Variants in PTPRD observed in about 807,000 individuals in gnomAD.
PTPRD encodes protein tyrosine phosphatase receptor type D, also known as receptor-type tyrosine-protein phosphatase delta.
PTPRD carries 34 observed loss-of-function variants against 214.5 expected under a neutral mutation model. The observed-to-expected ratio is 0.16, with a 90% CI of 0.12 to 0.21. The LOEUF (loss-of-function observed/expected upper bound fraction) is 0.21. PTPRD is among the 10% of genes least tolerant of loss of function. PTPRD has a pLI of 1.00. For synonymous variants in PTPRD, 1,128 were observed against 845.7 expected (o/e 1.33, Z -5.79); for missense variants, 2,545 against 2,398.7 (o/e 1.06, Z -1.27).
intron 5 of PTPRD, among the ~76,000 whole-genome samples, chr9:9,771,656 T>C (rs1303026551): frequency 6.6e-6 from 1 of 152,196 alleles, no homozygotes; most frequent in African/African-American, 2.4e-5. Context: ...CATTTTAAAT[T>C]CCCTACTGAC....
At chr9:9,843,171 T>C (rs1323609025) in intron 5 of PTPRD, among the ~76,000 whole-genome samples, 1 of 152,096 alleles carries the variant, frequency 6.6e-6, no homozygotes, top group African/African-American at 2.4e-5. Context: ...ATTTATTCCC[T>C]AGGCATTTAC....
chr9:9,902,930 C>T (rs1191129886), intron 5 of PTPRD, among the ~76,000 whole-genome samples: 4 of 152,072 alleles, frequency 2.6e-5, no homozygotes. Context: ...GTGACGTTGG[C>T]TAACAGTGAA....
intron 11 of PTPRD, among the ~76,000 whole-genome samples, chr9:8,900,312 G>C (rs185489361): frequency 6.6e-6 from 1 of 152,154 alleles, no homozygotes; most frequent in African/African-American, 2.4e-5. Context: ...TTGTGCACAG[G>C]AATGAAGATA....
At chr9:9,384,888 G>T (rs1388820477) in intron 9 of PTPRD, among the ~76,000 whole-genome samples, 1 of 152,052 alleles carries the variant, frequency 6.6e-6, no homozygotes, top group African/African-American at 2.4e-5. Flanking sequence ...AAACAATTAT[G>T]CATTCTGAAA....
At chr9:10,447,376 C>T (rs985804680) in intron 2 of PTPRD, among the ~76,000 whole-genome samples, 1 of 151,922 alleles carries the variant, frequency 6.6e-6, no homozygotes, top group Non-Finnish European at 1.5e-5. Context: ...TTGAAGGTAC[C>T]TTTGGGCTCT....
chr9:9,115,552 C>G (rs1252374243), intron 10 of PTPRD, among the ~76,000 whole-genome samples: 1 of 152,072 alleles, frequency 6.6e-6, no homozygotes, highest in Non-Finnish European at 1.5e-5. Flanking sequence ...ACTACAGCCT[C>G]TATGGAAAAC....
intron 4 of PTPRD, among the ~76,000 whole-genome samples, chr9:10,014,458 G>C (rs1466776413): frequency 6.6e-6 from 1 of 152,008 alleles, no homozygotes; most frequent in East Asian, 1.9e-4. Flanking sequence ...TTGACTTTGA[G>C]AGTTATTGCT....
intron 5 of PTPRD, among the ~76,000 whole-genome samples, chr9:9,935,754 A>C (rs1481882735): frequency 6.7e-6 from 1 of 149,010 alleles, no homozygotes; most frequent in Non-Finnish European, 1.5e-5. Context: ...ACCAAAAAAA[A>C]AGCCCGCATT....
intron 35 of PTPRD, among the ~76,000 whole-genome samples, chr9:8,422,451 G>C (rs1268016452): frequency 6.6e-6 from 1 of 152,106 alleles, no homozygotes; most frequent in African/African-American, 2.4e-5. Flanking sequence ...TATCTAGGGA[G>C]TCTACTTAGA....
intron 10 of PTPRD, among the ~76,000 whole-genome samples, chr9:9,131,885 G>T (rs945542948): frequency 2.0e-5 from 3 of 151,956 alleles, no homozygotes; most frequent in Non-Finnish European, 4.4e-5. Context: ...AGGTATCAGT[G>T]AAATAAGGCT....
At chr9:10,368,560 T>C (rs546643435) in intron 2 of PTPRD, among the ~76,000 whole-genome samples, 14 of 152,222 alleles carry the variant, frequency 9.2e-5, no homozygotes, top group African/African-American at 3.4e-4. Context: ...AATAGAGTTT[T>C]AATGCAGGAT....
intron 2 of PTPRD, among the ~76,000 whole-genome samples, chr9:10,464,161 G>A (rs1009062256): frequency 6.6e-6 from 1 of 152,096 alleles, no homozygotes; most frequent in Admixed American, 6.5e-5. Context: ...ACTCTTGGAA[G>A]CTGAGGCGGG....
chr9:8,501,068 G>C lies in PTPRD; in HGVS notation c.1823-9C>G, dbSNP rs1000732962. ...AGGAGGAGCTGACGGCTCTTATTTTGGTAGTGAGTTAAAGGAGGATTTAAG... is the reference window on the plus strand; with the variant it reads ...AGGAGGAGCTGACGGCTCTTATTTTCGTAGTGAGTTAAAGGAGGATTTAAG... On this transcript the variant is annotated splice_polypyrimidine_tract_variant and intron_variant, in intron 23 of 45. Coordinates refer to ENST00000381196, the MANE Select transcript of PTPRD (RefSeq NM_002839.4). 7 of 1,607,530 alleles carry C rather than the reference G, an allele frequency of 4.4e-6. No individual in the cohort carries two copies. The African/African-American group carries it at 5.4e-5, about 12-fold the overall frequency.
intron 5 of PTPRD, among the ~76,000 whole-genome samples, chr9:9,853,836 G>A (rs1011797879): frequency 5.3e-5 from 8 of 152,162 alleles, no homozygotes; most frequent in East Asian, 3.9e-4. Context: ...GATTATAGGC[G>A]TGAGCCACCA....
intron 10 of PTPRD, among the ~76,000 whole-genome samples, chr9:9,058,694 C>A (rs184891794): frequency 0.051 from 7,661 of 151,634 alleles, 262 homozygotes; most frequent in Middle Eastern, 0.11. Context: ...CGTGATCCGC[C>A]CGCCTCGGCC....
At chr9:8,622,004 T>A (rs1217630391) in intron 14 of PTPRD, among the ~76,000 whole-genome samples, 1 of 151,936 alleles carries the variant, frequency 6.6e-6, no homozygotes, top group East Asian at 1.9e-4. Flanking sequence ...TTTTGCTTAA[T>A]GAAGTCCTCT....
intron 2 of PTPRD, among the ~76,000 whole-genome samples, chr9:10,450,187 C>T (rs1023714233): frequency 6.6e-6 from 1 of 151,652 alleles, no homozygotes; most frequent in African/African-American, 2.4e-5. Context: ...CACTATTGTC[C>T]TATGACCCTG....
intron 35 of PTPRD, among the ~76,000 whole-genome samples, chr9:8,428,561 T>C (rs2132023810): frequency 6.6e-6 from 1 of 152,286 alleles, no homozygotes; most frequent in Middle Eastern, 3.4e-3. Flanking sequence ...CTCTTCCACT[T>C]TGCATAAAAG....
intron 4 of PTPRD, among the ~76,000 whole-genome samples, chr9:9,995,625 T>G (rs1300308396): frequency 6.6e-6 from 1 of 152,154 alleles, no homozygotes; most frequent in South Asian, 2.1e-4. Flanking sequence ...AGGAGCTGTT[T>G]CCTCCTGTTT....
Sources: gnomAD v4.1 joint callset for allele counts (sites outside exome capture counted in the v4.1 genomes callset) on GRCh38, gnomAD v4.1.1 for gene constraint, MANE v1.5 for transcripts, NCBI Gene and HGNC (gene_info 2026-07-23, HGNC 2026-07-21) for gene names.